Variants in NHERF2 observed in about 807,000 individuals in gnomAD.
The protein encoded by NHERF2 is Na(+)/H(+) exchange regulatory cofactor NHE-RF2.
chr16:2,037,820 C>G, the NHERF2 span: 1 of 1,582,668 alleles, frequency 6.3e-7, no homozygotes, highest in Middle Eastern at 1.7e-4. Context: ...ACCGTGCTCA[C>G]CCCAGGATGG....
At chr16:2,035,838 G>A in the NHERF2 span, 1 of 295,790 alleles carries the variant, frequency 3.4e-6, no homozygotes, top group African/African-American at 2.3e-5. Flanking sequence ...CCTGGAATGT[G>A]AAAGCAAACA....
At chr16:2,033,716 G>A in the NHERF2 span, among the ~76,000 whole-genome samples, 3 of 152,138 alleles carry the variant, frequency 2.0e-5, no homozygotes, top group Non-Finnish European at 4.4e-5. Context: ...GTGGGAGCCC[G>A]AGGGCCTGGC....
chr16:2,035,768 C>A, the NHERF2 span: 1 of 791,330 alleles, frequency 1.3e-6, no homozygotes, highest in Non-Finnish European at 1.5e-6. Flanking sequence ...GCCCTGTCCA[C>A]ACTAAGCTCC....
the NHERF2 span, among the ~76,000 whole-genome samples, chr16:2,029,274 C>G: frequency 2.6e-5 from 4 of 152,214 alleles, no homozygotes; most frequent in East Asian, 1.9e-4. Flanking sequence ...CAGGACTTAC[C>G]CAGCGGCCCT....
chr16:2,033,262 G>A, the NHERF2 span: 1 of 1,528,652 alleles, frequency 6.5e-7, no homozygotes, highest in Non-Finnish European at 8.7e-7. Context: ...GCAGAGGGAG[G>A]TAGATAAGTG....
At chr16:2,037,585 C>G in the NHERF2 span, 1 of 1,612,858 alleles carries the variant, frequency 6.2e-7, no homozygotes, top group Non-Finnish European at 8.5e-7. Context: ...TGCCTGGTTC[C>G]GACAAGGACA....
chr16:2,036,213 T>C, the NHERF2 span: 2 of 1,149,966 alleles, frequency 1.7e-6, no homozygotes, highest in Non-Finnish European at 2.4e-6. Context: ...GACCTGGGCC[T>C]GCCCGTGGGG....
At chr16:2,027,060 C>A in the NHERF2 span, 1 of 1,413,612 alleles carries the variant, frequency 7.1e-7, no homozygotes, top group Non-Finnish European at 9.3e-7. Flanking sequence ...GCGCGGAGAG[C>A]AGGGCTACGG....
chr16:2,029,498 T>C, the NHERF2 span: 2 of 1,341,998 alleles, frequency 1.5e-6, no homozygotes, highest in Middle Eastern at 2.5e-4. Context: ...TCCGCACGCC[T>C]GGGCCAGCCC....
the NHERF2 span, chr16:2,033,215 C>T: frequency 2.7e-6 from 4 of 1,489,620 alleles, no homozygotes; most frequent in East Asian, 7.5e-5. Flanking sequence ...AGTGACTCAG[C>T]CCCCACGTCC....
At chr16:2,030,697 G>A in the NHERF2 span, among the ~76,000 whole-genome samples, 2 of 150,694 alleles carry the variant, frequency 1.3e-5, no homozygotes, top group African/African-American at 2.4e-5. Flanking sequence ...CCAACACTTC[G>A]GGAGGCTGAG....
At chr16:2,028,650 A>G in the NHERF2 span, among the ~76,000 whole-genome samples, 1 of 152,108 alleles carries the variant, frequency 6.6e-6, no homozygotes. Flanking sequence ...GGGAGAGAGG[A>G]GGGCTGGGGG....
the NHERF2 span, among the ~76,000 whole-genome samples, chr16:2,030,039 C>T: frequency 1.3e-5 from 2 of 152,224 alleles, no homozygotes; most frequent in Non-Finnish European, 2.9e-5. Context: ...AGCCACTTGC[C>T]CTATCGAGGG....
the NHERF2 span, among the ~76,000 whole-genome samples, chr16:2,027,399 G>T: frequency 1.4e-5 from 2 of 148,024 alleles, no homozygotes; most frequent in Admixed American, 6.8e-5. Flanking sequence ...GCACGGGGGT[G>T]GGGGGGGGCA....
chr16:2,037,450 CTGGGGGGGGGTGTG>C, the NHERF2 span: 1 of 1,232,742 alleles, frequency 8.1e-7, no homozygotes, highest in Non-Finnish European at 1.2e-6. Context: ...GGAGCACACA[CTGGGGGGGGGTGTG>C]CCTCTGTGCA....
chr16:2,037,453 G>T, the NHERF2 span: 1 of 1,201,750 alleles, frequency 8.3e-7, no homozygotes, highest in Non-Finnish European at 1.2e-6. Context: ...GCACACACTG[G>T]GGGGGGGTGT....
the NHERF2 span, among the ~76,000 whole-genome samples, chr16:2,033,825 C>A: frequency 3.3e-5 from 5 of 152,306 alleles, no homozygotes; most frequent in Non-Finnish European, 7.4e-5. Flanking sequence ...CCCCCTTCCC[C>A]ACGAGCCCAT....
At chr16:2,034,200 A>G in the NHERF2 span, among the ~76,000 whole-genome samples, 1 of 152,102 alleles carries the variant, frequency 6.6e-6, no homozygotes, top group South Asian at 2.1e-4. Context: ...GCGTGTTTGC[A>G]GGTGTGTGTG....
the NHERF2 span, chr16:2,029,785 A>G: frequency 1.3e-6 from 2 of 1,546,188 alleles, no homozygotes; most frequent in Non-Finnish European, 1.7e-6. Context: ...GCAAGAAGGT[A>G]TGGCGGGCTT....
Sources: allele counts gnomAD v4.1 joint callset (sites outside exome capture counted in the v4.1 genomes callset), GRCh38; gene constraint gnomAD v4.1.1; transcripts MANE v1.5; gene names NCBI Gene and HGNC (gene_info 2026-07-23, HGNC 2026-07-21).